CEP41: variants seen among roughly 807,000 people sequenced by gnomAD.
CEP41 encodes the protein centrosomal protein 41, also known as centrosomal protein of 41 kDa.
A neutral mutation model predicts 44.3 loss-of-function variants in CEP41; 32 were observed. That is an observed-to-expected ratio of 0.72 (90% confidence interval 0.54 to 0.97). The LOEUF (loss-of-function observed/expected upper bound fraction) is 0.97, where lower values mean the gene tolerates loss of function less well. Ranked by LOEUF, CEP41 falls within the 50% of genes least tolerant of loss-of-function variation. CEP41 has a pLI of 0.00. For missense variants in CEP41, 432 were observed against 455.2 expected (o/e 0.95, Z 0.46); for synonymous variants, 151 against 168.5 (o/e 0.90, Z 0.80).
chr7:130,432,068 A>G (rs1180992237), intron 1 of CEP41, among the ~76,000 whole-genome samples: 5 of 152,158 alleles, frequency 3.3e-5, no homozygotes, highest in African/African-American at 4.8e-5. Flanking sequence ...CCAAACGCCA[A>G]TAGTGCCTAG....
intron 1 of CEP41, 67 bp from the exon 2 acceptor site, chr7:130,428,085 G>T: frequency 9.1e-7 from 1 of 1,093,804 alleles, no homozygotes; most frequent in Non-Finnish European, 1.4e-6. Flanking sequence ...AAAGTCAGGA[G>T]TCAGATACTT....
At position 130,393,991 on chromosome 7, in the gene CEP41, C is replaced by T. The variant is rs1796591056; in HGVS notation, c.*4900G>A. 1 of 453,950 alleles carries T rather than the reference C, an allele frequency of 2.2e-6. No homozygotes were observed. The highest frequency in any genetic ancestry group is 4.4e-6 in the Non-Finnish European group (1 of 226,796). 28.1% of individuals were successfully genotyped at this position (453,950 alleles called of 1,614,324 possible). ...GTGGAAATGTGGAAATACGCATTCC[C>T]CAGAGCAGATGTTTCAGTTCCTGAA... On this transcript the variant is annotated 3_prime_UTR_variant, in exon 11 of 11. Transcript: ENST00000223208.
chr7:130,411,033 C>T (rs1797166731), intron 5 of CEP41, 89 bp downstream of exon 5: 1 of 1,118,794 alleles, frequency 8.9e-7, no homozygotes, highest in East Asian at 2.3e-5. Context: ...AGTCCCAGTC[C>T]CTGGGAACAG....
intron 1 of CEP41, among the ~76,000 whole-genome samples, chr7:130,428,668 CT>C (rs1293170584): frequency 1.3e-5 from 2 of 150,654 alleles, no homozygotes; most frequent in African/African-American, 2.4e-5. Context: ...AATCCCAGCA[CT>C]TTGGGAGGCC....
intron 5 of CEP41, among the ~76,000 whole-genome samples, chr7:130,410,029 C>CTTTTTTTTTTTTTTTTTT: frequency 7.1e-6 from 1 of 139,884 alleles, no homozygotes; most frequent in Non-Finnish European, 1.6e-5. Context: ...CCTCGGTCTT[C>CTTTTTTTTTTTTTTTTTT]TTTTTTTTTT....
rs1164452418 is a variant in CEP41, at chr7:130,398,760, G to C, written c.*131C>G. 7 of 1,088,250 alleles carry C rather than the reference G, an allele frequency of 6.4e-6. No individual in the cohort carries two copies. Among genetic ancestry groups the C allele is most frequent in the Non-Finnish European group, 8.4e-6 (6 of 712,130 alleles). The allele number at this position is 1,088,250 out of a possible 1,614,324, so 67.4% of individuals were successfully genotyped here. A position where few individuals can be genotyped will look rare whatever the true frequency, so the allele number is the denominator to read the frequency against. ...GAGAGGAACTGGAGACAGGGACAGG[G>C]AAGAGGCCTATCCCATACATATGTC... On this transcript the variant is annotated 3_prime_UTR_variant, in exon 11 of 11. Transcript: ENST00000223208.
intron 2 of CEP41, among the ~76,000 whole-genome samples, chr7:130,426,468 G>GCA (rs1797666945): frequency 2.6e-5 from 4 of 150,976 alleles, no homozygotes; most frequent in African/African-American, 9.7e-5. Flanking sequence ...AACTATGAAG[G>GCA]CATAGACAAA....
chr7:130,440,560 C>G (rs192711944), intron 1 of CEP41: 1 of 444,136 alleles, frequency 2.3e-6, no homozygotes, highest in Admixed American at 3.6e-5. Context: ...TCCCCACAAT[C>G]AGAGATGCTG....
chr7:130,411,268 G>A (rs746192912), intron 4 of CEP41, 77 bp from the exon 5 acceptor site: 220 of 1,159,008 alleles, frequency 1.9e-4, no homozygotes, highest in East Asian at 4.0e-4. Flanking sequence ...TACAAAAGAC[G>A]AGGGAACAAC....
At chr7:130,400,428 G>C (rs1796807243) in intron 9 of CEP41, 174 bp from the exon 10 acceptor site, 2 of 666,026 alleles carry the variant, frequency 3.0e-6, no homozygotes, top group Non-Finnish European at 5.4e-6. Context: ...GAAAATATCT[G>C]TTGTTACATG....
At position 130,400,827 on chromosome 7, in the gene CEP41, A is replaced by T. The variant is rs782610948; in HGVS notation, c.643-6T>A. Reference sequence around the variant, plus strand: ...ATCTTGCCATGGGCATTTTTCTAAGAGTCAGATGAGTTAAGGTTCCAAGGC... The same window carrying T: ...ATCTTGCCATGGGCATTTTTCTAAGTGTCAGATGAGTTAAGGTTCCAAGGC... On this transcript the variant is annotated splice_polypyrimidine_tract_variant and splice_region_variant and intron_variant, in intron 8 of 10. Transcript: ENST00000223208. 1.7e-5 allele frequency: 27 copies of T among 1,576,500 alleles called. No individual in the cohort carries two copies. The South Asian group carries it at 2.7e-4, about 16-fold the overall frequency.
At chr7:130,417,020 A>G in intron 2 of CEP41, 54 bp from the exon 3 acceptor site, 2 of 1,406,780 alleles carry the variant, frequency 1.4e-6, no homozygotes, top group Non-Finnish European at 2.0e-6. Flanking sequence ...CAAATGAGTA[A>G]CACTGTGGAA....
chr7:130,398,955 G>T lies in CEP41; in HGVS notation c.1058C>A (p.Pro353His), dbSNP rs1296687719. ...GGAGCGGGGGTTTGAGTGGCTGGCG[G>T]GGCCGCCACCTGGCAGATTCTGAGC... ...RSAQNLPGGG[P>H]ASHSNPRSLS... Residue 353 changes from proline (P) to histidine (H), a missense_variant, in exon 11 of 11, where the codon CCC becomes CAC. Physicochemically the swap from Pro to His is moderately conservative, Grantham distance 77 (BLOSUM62 -2). Coordinates refer to ENST00000223208, the MANE Select transcript of CEP41 (RefSeq NM_018718.3). 1.2e-6 allele frequency: 2 copies of T among 1,614,086 alleles called. No individual in the cohort carries two copies. Among genetic ancestry groups the T allele is most frequent in the Non-Finnish European group, 1.7e-6 (2 of 1,180,036 alleles).
chr7:130,421,955 A>G, intron 2 of CEP41: 2 of 1,536,016 alleles, frequency 1.3e-6, no homozygotes, highest in South Asian at 1.2e-5. Context: ...AGCATAATCC[A>G]TTCATGGCAC....
intron 3 of CEP41, among the ~76,000 whole-genome samples, chr7:130,414,902 T>C (rs1554420553): frequency 6.6e-6 from 1 of 152,244 alleles, no homozygotes; most frequent in Non-Finnish European, 1.5e-5. Flanking sequence ...AATCCTAGTT[T>C]CAGATATGTT....
chr7:130,408,353 T>C (rs1797074464), intron 5 of CEP41, among the ~76,000 whole-genome samples: 2 of 152,180 alleles, frequency 1.3e-5, no homozygotes, highest in South Asian at 4.1e-4. Flanking sequence ...TTCTCCGTTG[T>C]ACAAAGATAT....
rs190042326 is a variant in CEP41, at chr7:130,399,835, C to T, written c.973+204G>A. 414 of 493,660 alleles carry T rather than the reference C, an allele frequency of 8.4e-4. 2 individuals carry two copies. Among genetic ancestry groups the T allele is most frequent in the Admixed American group, 3.4e-3 (103 of 30,032 alleles). The allele number at this position is 493,660 out of a possible 1,614,324, so 30.6% of individuals were successfully genotyped here. On this transcript the variant is annotated intron_variant, in intron 10 of 10. Transcript: ENST00000223208. ...ACTCTGTCTCAAAAAAAAAAAAAGT[C>T]GCTATGTTTTGATAAAGTCTCTCTT...
chr7:130,423,341 T>C (rs782640714), intron 2 of CEP41, among the ~76,000 whole-genome samples: 7 of 152,126 alleles, frequency 4.6e-5, no homozygotes, highest in East Asian at 1.9e-4. Flanking sequence ...ATAAGAGATA[T>C]ACAAATACCA....
intron 2 of CEP41, chr7:130,419,396 T>C (rs782650385): frequency 4.8e-4 from 475 of 985,296 alleles, no homozygotes; most frequent in Non-Finnish European, 5.6e-4. Context: ...TTTATCCCAC[T>C]GTGTAAACTG....
Sources: allele counts gnomAD v4.1 joint callset (sites outside exome capture counted in the v4.1 genomes callset), GRCh38; gene constraint gnomAD v4.1.1; transcripts MANE v1.5; gene names NCBI Gene and HGNC (gene_info 2026-07-23, HGNC 2026-07-21).